The following RTTN variants were observed in gnomAD, a reference collection of about 807,000 sequenced individuals.
RTTN encodes rotatin.
In RTTN, 182 loss-of-function variants were observed where a neutral mutation model predicts 269.2. The observed-to-expected ratio is 0.68, with a 90% CI of 0.60 to 0.76. RTTN has a LOEUF of 0.76. Among genes scored for constraint, RTTN ranks in the 30% least tolerant of loss-of-function variants. The pLI is 0.00. For missense variants in RTTN, 2,545 were observed against 2,608.6 expected (o/e 0.98, Z 0.53); for synonymous variants, 1,006 against 963.5 (o/e 1.04, Z -0.82).
chr18:70,136,683 T>C (rs1305240183), intron 21 of RTTN, among the ~76,000 whole-genome samples: 1 of 152,108 alleles, frequency 6.6e-6, no homozygotes, highest in Non-Finnish European at 1.5e-5. Flanking sequence ...ATATTCAGTG[T>C]TGGCAAAGTT....
In RTTN at chr18:70,205,130, T is replaced by C; in HGVS notation, c.217A>G (p.Lys73Glu). The C allele has an allele frequency of 6.2e-7, 1 of 1,614,060 alleles. No homozygotes were observed. The highest frequency in any genetic ancestry group is 1.7e-4 in the Middle Eastern group (1 of 6,060). The change falls in exon 2 of 49, where the codon AAG becomes GAG. Residue 73 changes from lysine (K) to glutamate (E), a missense_variant and splice_region_variant. Physicochemically the swap from Lys to Glu is moderately conservative, Grantham distance 56. Coordinates refer to ENST00000640769, the MANE Select transcript of RTTN (RefSeq NM_173630.4). ...TCTTTATTTCAAAATGACCCTACCTTAACCAATCTGCTTAACAGGTTCAGA... is the reference window on the plus strand; with the variant it reads ...TCTTTATTTCAAAATGACCCTACCTCAACCAATCTGCTTAACAGGTTCAGA... ...EVLNLLSRLV[K>E]YPPAVQHLVD... is the part of the protein sequence containing the mutation.
intron 43 of RTTN, among the ~76,000 whole-genome samples, chr18:70,027,755 T>C (rs1304546994): frequency 6.6e-6 from 1 of 152,178 alleles, no homozygotes; most frequent in Non-Finnish European, 1.5e-5. Context: ...TATAAATTCA[T>C]ATATAGGGAA....
At position 70,148,267 on chromosome 18, in the gene RTTN, T is replaced by C. The variant is rs1359930118; in HGVS notation, c.2309+634A>G. On this transcript the variant is annotated intron_variant, in intron 17 of 48. Coordinates refer to ENST00000640769, the MANE Select transcript of RTTN (RefSeq NM_173630.4). ...ACTCAGCATTTTTTTCTTTTTTCAG[T>C]AAGGGAAAATCTAACCACTGTTACC... Among the ~76,000 whole-genome samples, 5 of 152,126 alleles carry C rather than the reference T, an allele frequency of 3.3e-5. No homozygotes were observed. In the East Asian group the frequency reaches 9.6e-4, roughly 29 times the overall value.
chr18:70,021,488 A>G (rs2056703302), intron 44 of RTTN, among the ~76,000 whole-genome samples: 1 of 152,226 alleles, frequency 6.6e-6, no homozygotes, highest in African/African-American at 2.4e-5. Context: ...AGTTCATACG[A>G]GGAGGCCAAC....
Position 70,166,055 on chromosome 18 carries a change from A to T in RTTN, c.1929+7T>A, listed in dbSNP as rs1252773319. 1 of 1,613,122 alleles carries T rather than the reference A, an allele frequency of 6.2e-7. No individual in the cohort carries two copies. The highest frequency in any genetic ancestry group is 2.2e-5 in the East Asian group (1 of 44,802). On this transcript the variant is annotated splice_region_variant and intron_variant, in intron 14 of 48. Transcript: ENST00000640769. ...AAAACAAAACATACGAAAAAACAAA[A>T]CCTCACCTTCGTGATTTCCAGACAG...
chr18:70,070,369 C>T (rs1171963767), intron 34 of RTTN, among the ~76,000 whole-genome samples: 1 of 152,242 alleles, frequency 6.6e-6, no homozygotes, highest in Non-Finnish European at 1.5e-5. Flanking sequence ...ATCACACAAA[C>T]TACCACCTCC....
At chr18:70,023,911 T>C (rs2056777684) in intron 44 of RTTN, among the ~76,000 whole-genome samples, 1 of 152,100 alleles carries the variant, frequency 6.6e-6, no homozygotes, top group Non-Finnish European at 1.5e-5. Context: ...GCCTCCTGAG[T>C]AGCTGGAACT....
At position 70,169,057 on chromosome 18, in the gene RTTN, A is replaced by C; in HGVS notation, c.1487T>G (p.Phe496Cys). 6.3e-7 allele frequency: 1 copy of C among 1,591,084 alleles called. No homozygotes were observed. Among genetic ancestry groups the C allele is most frequent in the Non-Finnish European group, 8.5e-7 (1 of 1,173,852 alleles). ...TLLPVEKASE[F>C]LSEPMSTALF... ...TGCTGTTGACATAGGCTCTGATAAAAACTCGCTTGCCTTGGTGAATTAAAA... is the reference window on the plus strand; with the variant it reads ...TGCTGTTGACATAGGCTCTGATAAACACTCGCTTGCCTTGGTGAATTAAAA... The change falls in exon 12 of 49, where the codon TTT becomes TGT. Residue 496 changes from phenylalanine to cysteine, a missense_variant. By Grantham distance (205) the Phe-to-Cys change is radical (BLOSUM62 -2). Coordinates refer to ENST00000640769, the MANE Select transcript of RTTN (RefSeq NM_173630.4).
At chr18:70,171,914 G>C (rs1425947289) in intron 11 of RTTN, among the ~76,000 whole-genome samples, 1 of 152,160 alleles carries the variant, frequency 6.6e-6, no homozygotes, top group African/African-American at 2.4e-5. Flanking sequence ...ACTGCTCTCA[G>C]TCACTCAACT....
rs566439365 is a variant in RTTN, at chr18:70,042,576, C to T, written c.5541+5395G>A. The stretch of plus-strand genomic sequence containing the variant: ...TGTTTTTAGTAGAGATGGGGTTTCA[C>T]TGTGTTAGCCAGGATGGTGTCGATC... On this transcript the variant is annotated intron_variant, in intron 40 of 48. Coordinates refer to ENST00000640769, the MANE Select transcript of RTTN (RefSeq NM_173630.4). Among the ~76,000 whole-genome samples, 348 of 152,086 alleles carry T rather than the reference C, an allele frequency of 2.3e-3. 1 individual carries two copies. Among genetic ancestry groups the T allele is most frequent in the African/African-American group, 8.0e-3 (333 of 41,524 alleles).
intron 28 of RTTN, among the ~76,000 whole-genome samples, chr18:70,100,356 T>G (rs1015544244): frequency 5.9e-5 from 9 of 152,222 alleles, no homozygotes; most frequent in Admixed American, 1.3e-4. Context: ...TGAATGGGAG[T>G]TCACTCATGA....
intron 28 of RTTN, among the ~76,000 whole-genome samples, chr18:70,104,094 G>C (rs2059255234): frequency 6.6e-6 from 1 of 152,216 alleles, no homozygotes; most frequent in Admixed American, 6.5e-5. Context: ...TTCCAACTTG[G>C]TTCCATTCTC....
At chr18:70,022,191 C>G (rs556394570) in intron 44 of RTTN, among the ~76,000 whole-genome samples, 1 of 152,170 alleles carries the variant, frequency 6.6e-6, no homozygotes, top group Admixed American at 6.5e-5. Flanking sequence ...ACTTTCTCCT[C>G]TTCTCACATC....
intron 32 of RTTN, among the ~76,000 whole-genome samples, chr18:70,082,968 C>T (rs1430578932): frequency 1.3e-5 from 2 of 152,184 alleles, no homozygotes; most frequent in East Asian, 3.9e-4. Flanking sequence ...GTTGGGATTA[C>T]AGGCATGAGC....
intron 22 of RTTN, 43 bp from the exon 23 acceptor site, chr18:70,134,584 A>G (rs1372384055): frequency 7.0e-7 from 1 of 1,426,458 alleles, no homozygotes; most frequent in Admixed American, 2.0e-5. Context: ...ACAACTGAGT[A>G]GACCAAGTTT....
chr18:70,162,688 C>T (rs965375121), intron 14 of RTTN, among the ~76,000 whole-genome samples: 2 of 151,970 alleles, frequency 1.3e-5, no homozygotes, highest in East Asian at 1.9e-4. Flanking sequence ...GTGGGGATTA[C>T]AGAATTACAA....
Position 70,109,544 on chromosome 18 carries a change from G to A in RTTN, c.3857C>T (p.Thr1286Ile), listed in dbSNP as rs776428925. Residue 1286 changes from threonine (T) to isoleucine (I), a missense_variant, in exon 28 of 49, where the codon ACA becomes ATA. By Grantham distance (89) the Thr-to-Ile change is moderately conservative. Coordinates refer to ENST00000640769, the MANE Select transcript of RTTN (RefSeq NM_173630.4). ...CTTCACACAGATATCTAGAGGCTTT[G>A]TGAGAGGAGAGTGTGAGCTCCATCC... is the stretch of plus-strand genomic sequence containing the variant. ...FPGWSSHSPL[T>I]KPLDICVKYL... The A allele has an allele frequency of 1.2e-6, 2 of 1,614,094 alleles. No homozygotes were observed. The highest frequency in any genetic ancestry group is 3.3e-5 in the Admixed American group (2 of 60,024).
At chr18:70,166,870 C>A in intron 13 of RTTN, 49 bp downstream of exon 13, 2 of 1,229,336 alleles carry the variant, frequency 1.6e-6, no homozygotes, top group Non-Finnish European at 1.2e-6. Flanking sequence ...TTTACACACA[C>A]CCTAAGTGTC....
chr18:70,102,856 C>T (rs1350728196), intron 28 of RTTN, among the ~76,000 whole-genome samples: 1 of 152,214 alleles, frequency 6.6e-6, no homozygotes, highest in African/African-American at 2.4e-5. Flanking sequence ...ATATGAAATT[C>T]TGGGTTGAAA....
Sources: gnomAD v4.1 joint callset for allele counts (sites outside exome capture counted in the v4.1 genomes callset) on GRCh38, gnomAD v4.1.1 for gene constraint, MANE v1.5 for transcripts, NCBI Gene and HGNC (gene_info 2026-07-23, HGNC 2026-07-21) for gene names.